Variants in PRICKLE2 observed in about 807,000 individuals in gnomAD.
PRICKLE2 encodes the protein prickle-like protein 2.
In PRICKLE2, 21 loss-of-function variants were observed where a neutral mutation model predicts 81.4. That is an observed-to-expected ratio of 0.26 (90% CI 0.18 to 0.37). The LOEUF (loss-of-function observed/expected upper bound fraction) is 0.37, where lower values mean the gene tolerates loss of function less well. PRICKLE2 is among the 10% of genes least tolerant of loss of function. The probability of loss-of-function intolerance (pLI) is 1.00; values close to 1 mark genes in which losing one functional copy is unlikely to be tolerated. For synonymous variants in PRICKLE2, 456 were observed against 421.5 expected, an observed-to-expected ratio of 1.08 and a Z score of -1.00; for missense variants, 940 against 1,109.0, an observed-to-expected ratio of 0.85 and a Z score of 2.16.
chr3:64,101,336 G>T (rs1041524708), intron 7 of PRICKLE2: 12 of 152,150 alleles, frequency 7.9e-5, no homozygotes, highest in African/African-American at 1.4e-4. Context: ...ATATATTGTG[G>T]TTTTTTCTAC....
chr3:64,198,067 C>G (rs1199901458), intron 2 of PRICKLE2, among the ~76,000 whole-genome samples: 2 of 151,642 alleles, frequency 1.3e-5, no homozygotes, highest in African/African-American at 4.8e-5. Flanking sequence ...AGAAAATTAG[C>G]CAGGGGTGGT....
intron 7 of PRICKLE2, among the ~76,000 whole-genome samples, chr3:64,116,012 C>T (rs12107247): frequency 1.3e-5 from 2 of 152,126 alleles, no homozygotes; most frequent in African/African-American, 4.8e-5. Flanking sequence ...GACCACAGCA[C>T]AATCAAATTA....
At chr3:64,135,711 C>CACACACGCACACACACCTGCGT (rs2077267584) in intron 7 of PRICKLE2, among the ~76,000 whole-genome samples, 1 of 151,650 alleles carries the variant, frequency 6.6e-6, no homozygotes, top group African/African-American at 2.4e-5. Flanking sequence ...CACACACACA[C>CACACACGCACACACACCTGCGT]ACACACACAC....
chr3:64,263,542 C>A (rs1163667403), intron 2 of PRICKLE2, among the ~76,000 whole-genome samples: 2 of 152,138 alleles, frequency 1.3e-5, no homozygotes, highest in Non-Finnish European at 1.5e-5. Context: ...GGATTACACT[C>A]AGAATGGGGG....
intron 1 of PRICKLE2, among the ~76,000 whole-genome samples, chr3:64,221,359 C>T (rs528542030): frequency 8.0e-5 from 12 of 149,784 alleles, no homozygotes; most frequent in Non-Finnish European, 1.5e-4. Flanking sequence ...AAAAAGAAAA[C>T]GAAGTCTCCA....
chr3:64,140,445 A>C (rs704391), intron 7 of PRICKLE2, among the ~76,000 whole-genome samples: 92,940 of 152,064 alleles, frequency 0.61, 28,732 homozygotes, highest in East Asian at 0.87. Flanking sequence ...CTCTCTATGA[A>C]CAGCCACCCC....
At position 64,157,209 on chromosome 3, in the gene PRICKLE2, T is replaced by C; in HGVS notation, c.553A>G (p.Arg185Gly). Residue 185 changes from arginine to glycine, a missense_variant, in exon 5 of 8, where the codon AGG becomes GGG. By Grantham distance (125) the Arg-to-Gly change is moderately radical (BLOSUM62 -2). Transcript: ENST00000638394. ...GGCTTCAGGCACTCAGCATGGTGCCTGCCACAGTATATCTTCCCATCTTGG... is the reference window on the plus strand; with the variant it reads ...GGCTTCAGGCACTCAGCATGGTGCCCGCCACAGTATATCTTCCCATCTTGG... ...FYQDGKIYCG[R>G]HHAECLKPRC... 1 of 1,614,204 alleles carries C rather than the reference T, an allele frequency of 6.2e-7. No individual in the cohort carries two copies. The highest frequency in any genetic ancestry group is 8.5e-7 in the Non-Finnish European group (1 of 1,180,030).
intron 7 of PRICKLE2, among the ~76,000 whole-genome samples, chr3:64,124,411 G>A (rs181306371): frequency 3.3e-5 from 5 of 152,320 alleles, no homozygotes; most frequent in Admixed American, 2.0e-4. Context: ...CACTGATGAC[G>A]ATAGCTACAC....
intron 7 of PRICKLE2, among the ~76,000 whole-genome samples, chr3:64,118,940 A>G (rs1461371746): frequency 1.3e-5 from 2 of 152,202 alleles, no homozygotes; most frequent in Non-Finnish European, 2.9e-5. Context: ...ATTGAGCACT[A>G]TTCACACTAG....
upstream of PRICKLE2, among the ~76,000 whole-genome samples, chr3:64,228,276 C>T (rs1486032667): frequency 6.6e-6 from 1 of 152,104 alleles, no homozygotes; most frequent in Non-Finnish European, 1.5e-5. Flanking sequence ...ATTAAGTAGG[C>T]AATTAGAGTA....
chr3:64,194,429 A>T (rs925353979), intron 2 of PRICKLE2: 2 of 152,284 alleles, frequency 1.3e-5, no homozygotes. Flanking sequence ...TGATCCTCCT[A>T]TTCCCCAGGA....
At chr3:64,113,862 A>G (rs1273583997) in intron 7 of PRICKLE2, among the ~76,000 whole-genome samples, 1 of 152,152 alleles carries the variant, frequency 6.6e-6, no homozygotes, top group Non-Finnish European at 1.5e-5. Flanking sequence ...TACCATATCC[A>G]GTACAACCAC....
intron 2 of PRICKLE2, among the ~76,000 whole-genome samples, chr3:64,255,920 T>C (rs1444806061): frequency 6.6e-6 from 1 of 152,146 alleles, no homozygotes; most frequent in Non-Finnish European, 1.5e-5. Flanking sequence ...GCAGACATGG[T>C]GGCAGCAGCT....
At chr3:64,206,851 G>C (rs779083683) in intron 1 of PRICKLE2, among the ~76,000 whole-genome samples, 1 of 152,310 alleles carries the variant, frequency 6.6e-6, no homozygotes, top group African/African-American at 2.4e-5. Flanking sequence ...CTAAATAACA[G>C]ATGTATCCTA....
intron 7 of PRICKLE2, among the ~76,000 whole-genome samples, chr3:64,122,698 G>A (rs910367128): frequency 6.6e-6 from 1 of 152,158 alleles, no homozygotes; most frequent in Non-Finnish European, 1.5e-5. Flanking sequence ...CCGGGCCACT[G>A]TCAGACGCAG....
chr3:64,093,384 C>T lies in PRICKLE2; in HGVS notation c.*5667G>A, dbSNP rs1434895621. 1 of 152,092 alleles carries T rather than the reference C, an allele frequency of 6.6e-6. No individual in the cohort carries two copies. Among genetic ancestry groups the T allele is most frequent in the Non-Finnish European group, 1.5e-5 (1 of 68,034 alleles). The allele number at this position is 152,092 out of a possible 1,614,324, so 9.4% of individuals were successfully genotyped here. A position where few individuals can be genotyped will look rare whatever the true frequency, so the allele number is the denominator to read the frequency against. On this transcript the variant is annotated 3_prime_UTR_variant, in exon 8 of 8. Coordinates refer to ENST00000638394, the MANE Select transcript of PRICKLE2 (RefSeq NM_198859.4). ...TGCTGTCAATTCTTTTGGGTATAGC[C>T]CAGAAGTAGCATATGGTAGTAATTC... is the stretch of plus-strand genomic sequence containing the variant.
rs781048791 is a variant in PRICKLE2, at chr3:64,153,379, G to A, written c.601-11C>T. 4.3e-6 allele frequency: 7 copies of A among 1,613,694 alleles called. No individual in the cohort carries two copies. In the South Asian group the frequency reaches 6.6e-5, roughly 15 times the overall value. On this transcript the variant is annotated splice_polypyrimidine_tract_variant and intron_variant, in intron 5 of 7. Coordinates refer to ENST00000638394, the MANE Select transcript of PRICKLE2 (RefSeq NM_198859.4). ...ATCTGCAAAGATGATCTGGAGATGG[G>A]GAAGCCAAATGGTCAGTGTGTAAAA...
At chr3:64,209,537 T>A (rs2078752356) in intron 1 of PRICKLE2, among the ~76,000 whole-genome samples, 1 of 152,140 alleles carries the variant, frequency 6.6e-6, no homozygotes, top group Non-Finnish European at 1.5e-5. Flanking sequence ...TCCACATCTA[T>A]CCATCCATCC....
At chr3:64,138,138 C>T (rs182518857) in intron 7 of PRICKLE2, among the ~76,000 whole-genome samples, 23 of 152,264 alleles carry the variant, frequency 1.5e-4, no homozygotes, top group African/African-American at 5.3e-4. Flanking sequence ...ACCTATGGTG[C>T]CTGTGGTTTT....
Sources: allele counts gnomAD v4.1 joint callset (sites outside exome capture counted in the v4.1 genomes callset), GRCh38; gene constraint gnomAD v4.1.1; transcripts MANE v1.5; gene names NCBI Gene and HGNC (gene_info 2026-07-23, HGNC 2026-07-21).